The following LRFN2 variants were observed in gnomAD, a reference collection of about 807,000 sequenced individuals.
LRFN2 encodes leucine rich repeat and fibronectin type III domain containing 2, also known as leucine-rich repeat and fibronectin type-III domain-containing protein 2.
LRFN2 carries 18 observed loss-of-function variants against 37.3 expected under a neutral mutation model. The observed-to-expected ratio is 0.48, with a 90% CI of 0.33 to 0.72. The LOEUF is 0.72. Among genes scored for constraint, LRFN2 ranks in the 30% least tolerant of loss-of-function variants. The probability of loss-of-function intolerance (pLI) is 0.02; values close to 1 mark genes in which losing one functional copy is unlikely to be tolerated. For missense variants in LRFN2, 1,006 were observed against 1,060.7 expected (o/e 0.95, Z 0.72); for synonymous variants, 556 against 466.6 (o/e 1.19, Z -2.47).
At chr6:40,484,444 C>T (rs1348243835) in intron 1 of LRFN2, among the ~76,000 whole-genome samples, 3 of 152,212 alleles carry the variant, frequency 2.0e-5, no homozygotes, top group East Asian at 1.9e-4. Context: ...AGGCCTAGGC[C>T]GGTGCCTCTC....
chr6:40,482,782 C>T (rs553813107), intron 1 of LRFN2, among the ~76,000 whole-genome samples: 79 of 152,240 alleles, frequency 5.2e-4, no homozygotes, highest in African/African-American at 1.9e-3. Context: ...GCCAGGCCAG[C>T]TTTCTTTGGG....
intron 1 of LRFN2, among the ~76,000 whole-genome samples, chr6:40,575,367 C>T (rs1035702951): frequency 6.6e-6 from 1 of 152,144 alleles, no homozygotes; most frequent in East Asian, 1.9e-4. Context: ...AAAGGCAGTC[C>T]TGAGAGAGAC....
intron 2 of LRFN2, among the ~76,000 whole-genome samples, chr6:40,427,625 G>A (rs1205229484): frequency 2.0e-5 from 3 of 152,220 alleles, no homozygotes; most frequent in Non-Finnish European, 4.4e-5. Context: ...GTGAACCCAT[G>A]TTAGGTTAGC....
rs144850104 is a variant in LRFN2, at chr6:40,392,141, G to A, written c.2172C>T (p.Phe724=). The A allele has an allele frequency of 3.7e-5, 60 of 1,610,998 alleles. No homozygotes were observed. In the African/African-American group the frequency reaches 5.9e-4, roughly 16 times the overall value. The change falls in exon 3 of 3, where the codon TTC becomes TTT. Residue 724 remains phenylalanine, a synonymous_variant. Transcript: ENST00000338305. The surrounding 1 kb of genome is among the most constrained non-coding windows in gnomAD (Gnocchi z 4.7). ...CCGCAGCAGCAAAGTCCCCCATGTCGAAGGAGTGGCTGCGTTTGGCCTTGC... is the reference window on the plus strand; with the variant it reads ...CCGCAGCAGCAAAGTCCCCCATGTCAAAGGAGTGGCTGCGTTTGGCCTTGC... ...LEGKAKRSHS[F]DMGDFAAAAA... is the part of the protein sequence containing the mutation.
intron 1 of LRFN2, among the ~76,000 whole-genome samples, chr6:40,444,886 C>T (rs1763929913): frequency 6.8e-6 from 1 of 147,734 alleles, no homozygotes; most frequent in African/African-American, 2.5e-5. Flanking sequence ...TTCCTCCTGC[C>T]TCTGTCTTCT....
chr6:40,565,522 G>T (rs929155899), intron 1 of LRFN2, among the ~76,000 whole-genome samples: 1 of 152,132 alleles, frequency 6.6e-6, no homozygotes, highest in Non-Finnish European at 1.5e-5. Context: ...GCATGGTATT[G>T]GTACCAAAAC....
intron 1 of LRFN2, among the ~76,000 whole-genome samples, chr6:40,572,831 G>A (rs1767211290): frequency 6.6e-6 from 1 of 152,146 alleles, no homozygotes; most frequent in African/African-American, 2.4e-5. Context: ...GTCAGCAGAT[G>A]GGCTGTTAGC....
At chr6:40,517,477 T>C (rs925224289) in intron 1 of LRFN2, 21 of 152,352 alleles carry the variant, frequency 1.4e-4, no homozygotes, top group African/African-American at 4.8e-4. Flanking sequence ...AGCTCGACTC[T>C]GGGCAAGCTG....
intron 1 of LRFN2, among the ~76,000 whole-genome samples, chr6:40,551,970 T>A (rs896355392): frequency 2.0e-5 from 3 of 152,176 alleles, no homozygotes; most frequent in African/African-American, 7.2e-5. Flanking sequence ...AAAAAAGACC[T>A]ACCCAAGTCA....
At chr6:40,574,077 G>T (rs1022699231) in intron 1 of LRFN2, among the ~76,000 whole-genome samples, 2 of 152,194 alleles carry the variant, frequency 1.3e-5, no homozygotes, top group African/African-American at 2.4e-5. Context: ...AAATCTCATT[G>T]ATATTTTGAG....
At position 40,392,403 on chromosome 6, in the gene LRFN2, C is replaced by T. The variant is rs554983231; in HGVS notation, c.1910G>A (p.Arg637Gln). The T allele has an allele frequency of 1.8e-5, 28 of 1,573,816 alleles. No homozygotes were observed. The highest frequency in any genetic ancestry group is 4.6e-5 in the South Asian group (4 of 86,632). Residue 637 changes from arginine (R) to glutamine (Q), a missense_variant, in exon 3 of 3, where the codon CGG becomes CAG. Arg to Gln is a conservative substitution (Grantham distance 43, BLOSUM62 1). Coordinates refer to ENST00000338305, the MANE Select transcript of LRFN2 (RefSeq NM_020737.3). The surrounding 1 kb of genome is among the most constrained non-coding windows in gnomAD (Gnocchi z 4.7). ...LGSGEAAGLG[R>Q]APWRIPPSAP... Reference sequence around the variant, plus strand: ...GGAGGGTGGGATCCTCCAGGGGGCCCGTCCCAGCCCCGCAGCCTCCCCACT... The same window carrying T: ...GGAGGGTGGGATCCTCCAGGGGGCCTGTCCCAGCCCCGCAGCCTCCCCACT...
rs1339362096 is a variant in LRFN2, at chr6:40,500,993, TAGAAA to T, written c.-18-67867_-18-67863del. ...ATTGAGCATATATTACTCTATTGAT[TAGAAA>T]AGAAGTTATTGATAATACAGGTACA... is the stretch of plus-strand genomic sequence containing the variant. On this transcript the variant is annotated intron_variant, in intron 1 of 2. Coordinates refer to ENST00000338305, the MANE Select transcript of LRFN2 (RefSeq NM_020737.3). Among the ~76,000 whole-genome samples, 6 of 151,428 alleles carry T rather than the reference TAGAAA, an allele frequency of 4.0e-5. No individual in the cohort carries two copies. The South Asian group carries it at 8.3e-4, about 21-fold the overall frequency.
chr6:40,425,967 G>C (rs1477094197), intron 2 of LRFN2, among the ~76,000 whole-genome samples: 3 of 152,186 alleles, frequency 2.0e-5, no homozygotes, highest in Admixed American at 6.5e-5. Context: ...ATTGCTCTTA[G>C]CTCTTTGGGG....
At chr6:40,471,207 A>G (rs2113857072) in intron 1 of LRFN2, among the ~76,000 whole-genome samples, 1 of 152,216 alleles carries the variant, frequency 6.6e-6, no homozygotes, top group Middle Eastern at 3.4e-3. Context: ...GGCTCTTCTT[A>G]CCGGCTCCAG....
At chr6:40,485,967 G>GC (rs1439053132) in intron 1 of LRFN2, among the ~76,000 whole-genome samples, 3 of 152,220 alleles carry the variant, frequency 2.0e-5, no homozygotes, top group East Asian at 1.9e-4. Flanking sequence ...CTGGAGCTCA[G>GC]CCCCCCTGGG....
chr6:40,392,243 GC>G lies in LRFN2; in HGVS notation c.2069del (p.Gly690AlafsTer95). 6.4e-7 allele frequency: 1 copy of G among 1,574,342 alleles called. No homozygotes were observed. Among genetic ancestry groups the G allele is most frequent in the South Asian group, 1.2e-5 (1 of 83,702 alleles). ...AGRGAGTSAR[G>X]HHSDREPLLG... ...GCAGTGGCTCTCGGTCCGAGTGGTG[GC>G]CCCGGGCCGACGTCCCAGCCCCTCT... On this transcript the variant is annotated frameshift_variant, in exon 3 of 3. Transcript: ENST00000338305. LOFTEE classifies it high-confidence loss of function. The surrounding 1 kb of genome is among the most constrained non-coding windows in gnomAD (Gnocchi z 4.7).
At chr6:40,466,710 C>A (rs1474775213) in intron 1 of LRFN2, among the ~76,000 whole-genome samples, 9 of 152,068 alleles carry the variant, frequency 5.9e-5, no homozygotes, top group African/African-American at 9.7e-5. Flanking sequence ...TCTGTCCCTG[C>A]CTTAATTTTT....
intron 2 of LRFN2, among the ~76,000 whole-genome samples, chr6:40,405,372 CTG>C (rs1425528861): frequency 3.9e-5 from 6 of 152,190 alleles, no homozygotes. Context: ...CTTAATCTCT[CTG>C]TGTTTGCTTC....
chr6:40,577,258 T>C (rs539363212), intron 1 of LRFN2, among the ~76,000 whole-genome samples: 212 of 151,976 alleles, frequency 1.4e-3, no homozygotes, highest in African/African-American at 4.6e-3. Context: ...CGCGCGGCCA[T>C]GTCCAGCTAA....
Sources: allele counts gnomAD v4.1 joint callset (sites outside exome capture counted in the v4.1 genomes callset), GRCh38; gene constraint gnomAD v4.1.1; non-coding constraint Gnocchi (gnomAD v3.1); transcripts MANE v1.5; gene names NCBI Gene and HGNC (gene_info 2026-07-23, HGNC 2026-07-21).